The following SAMMSON variants were observed in gnomAD, a reference collection of about 807,000 sequenced individuals.
SAMMSON encodes survival associated mitochondrial melanoma specific oncogenic non-coding RNA, also known as long intergenic non-protein coding RNA 1212.
At chr3:70,328,494 C>A (rs546267352) in intron 7 of SAMMSON, among the ~76,000 whole-genome samples, 1 of 152,134 alleles carries the variant, frequency 6.6e-6, no homozygotes, top group African/African-American at 2.4e-5. Context: ...CCAATTTGAA[C>A]TTGTAGAGAT....
intron 3 of SAMMSON, among the ~76,000 whole-genome samples, chr3:70,042,060 T>C (rs1366091106): frequency 6.6e-6 from 1 of 152,036 alleles, no homozygotes; most frequent in Non-Finnish European, 1.5e-5. Context: ...ACTCTGAACT[T>C]CATTCGACAC....
chr3:70,421,447 A>T (rs1207841935), intron 2 of SAMMSON, among the ~76,000 whole-genome samples: 1 of 152,092 alleles, frequency 6.6e-6, no homozygotes, highest in Non-Finnish European at 1.5e-5. Context: ...TCTTAGGAGG[A>T]TTTCTTTCTA....
intron 7 of SAMMSON, among the ~76,000 whole-genome samples, chr3:70,329,449 T>G (rs1702604567): frequency 6.6e-6 from 1 of 152,086 alleles, no homozygotes; most frequent in African/African-American, 2.4e-5. Flanking sequence ...CATTAATCAA[T>G]TAGTAGCAAC....
intron 3 of SAMMSON, among the ~76,000 whole-genome samples, chr3:70,024,005 T>C (rs2067026968): frequency 7.6e-6 from 1 of 130,804 alleles, no homozygotes; most frequent in African/African-American, 3.2e-5. Context: ...TCTTCCTTCC[T>C]ATTTTTTTCC....
chr3:70,061,725 T>G (rs1202126392), intron 3 of SAMMSON, among the ~76,000 whole-genome samples: 3 of 152,134 alleles, frequency 2.0e-5, no homozygotes, highest in Admixed American at 1.3e-4. Flanking sequence ...TCCCTCCGCA[T>G]CTACCCACGG....
chr3:70,010,157 G>T (rs2107576452), intron 1 of SAMMSON, among the ~76,000 whole-genome samples: 1 of 152,174 alleles, frequency 6.6e-6, no homozygotes, highest in African/African-American at 2.4e-5. Flanking sequence ...TATTAGGTCT[G>T]CTTGGTGCAG....
At chr3:70,155,566 A>T (rs2067589117) in intron 4 of SAMMSON, among the ~76,000 whole-genome samples, 2 of 152,112 alleles carry the variant, frequency 1.3e-5, no homozygotes, top group Admixed American at 1.3e-4. Flanking sequence ...GCATGGTGTT[A>T]TCTGAGGATG....
At chr3:70,432,122 G>C (rs1701419080) in intron 2 of SAMMSON, among the ~76,000 whole-genome samples, 1 of 151,978 alleles carries the variant, frequency 6.6e-6, no homozygotes, top group Admixed American at 6.6e-5. Context: ...ATAAGAAACA[G>C]CCAAACCGAG....
chr3:70,390,254 G>A (rs1257021492), downstream of SAMMSON, among the ~76,000 whole-genome samples: 2 of 151,930 alleles, frequency 1.3e-5, no homozygotes, highest in African/African-American at 4.8e-5. Context: ...TTTTATTTAA[G>A]GTTCTAAGTT....
intron 6 of SAMMSON, among the ~76,000 whole-genome samples, chr3:70,284,003 T>C (rs1333257012): frequency 2.6e-5 from 4 of 152,082 alleles, no homozygotes; most frequent in Non-Finnish European, 5.9e-5. Flanking sequence ...ACAGAAGGGG[T>C]TTCCATGCCT....
At chr3:70,116,293 T>TTTTTTC (rs2067410852) in intron 4 of SAMMSON, among the ~76,000 whole-genome samples, 1 of 32,422 alleles carries the variant, frequency 3.1e-5, no homozygotes, top group Non-Finnish European at 5.5e-5. Flanking sequence ...CGATGCTTTC[T>TTTTTTC]TTTTTTTTTT....
intron 2 of SAMMSON, among the ~76,000 whole-genome samples, chr3:70,406,571 G>A (rs1421869291): frequency 6.6e-6 from 1 of 152,098 alleles, no homozygotes; most frequent in Non-Finnish European, 1.5e-5. Flanking sequence ...TAAAATTTAT[G>A]GCAACAAGAG....
chr3:70,046,088 C>G (rs909710531), intron 3 of SAMMSON, among the ~76,000 whole-genome samples: 1 of 152,134 alleles, frequency 6.6e-6, no homozygotes, highest in Non-Finnish European at 1.5e-5. Context: ...GTTGTATTAG[C>G]ATCCATTTCT....
chr3:70,376,188 A>T (rs186530561), intron 9 of SAMMSON, among the ~76,000 whole-genome samples: 1 of 152,322 alleles, frequency 6.6e-6, no homozygotes, highest in East Asian at 1.9e-4. Flanking sequence ...CAGGAATAAC[A>T]ATTTTCAATT....
At chr3:70,087,452 G>A (rs537299859) in intron 4 of SAMMSON, among the ~76,000 whole-genome samples, 5 of 152,146 alleles carry the variant, frequency 3.3e-5, no homozygotes, top group South Asian at 2.1e-4. Flanking sequence ...ATGCACATTC[G>A]TCCAAAAATA....
chr3:70,169,095 C>G (rs1245968807), intron 4 of SAMMSON, among the ~76,000 whole-genome samples: 1 of 151,938 alleles, frequency 6.6e-6, no homozygotes, highest in Non-Finnish European at 1.5e-5. Flanking sequence ...AAGAAAGTTT[C>G]TATCATGGAA....
intron 9 of SAMMSON, among the ~76,000 whole-genome samples, chr3:70,388,491 A>G (rs1328172270): frequency 1.3e-5 from 2 of 152,158 alleles, no homozygotes; most frequent in Non-Finnish European, 2.9e-5. Flanking sequence ...TAGATTCACT[A>G]TAATCCAAAA....
At chr3:70,299,602 A>G in intron 7 of SAMMSON, among the ~76,000 whole-genome samples, 1 of 152,122 alleles carries the variant, frequency 6.6e-6, no homozygotes, top group Non-Finnish European at 1.5e-5. Context: ...CTTGGGTGCC[A>G]GCCCTTTGTT....
At chr3:70,160,829 T>C (rs1300377349) in intron 4 of SAMMSON, among the ~76,000 whole-genome samples, 1 of 152,122 alleles carries the variant, frequency 6.6e-6, no homozygotes. Flanking sequence ...TCCATAGATA[T>C]AGAATATCTC....
Sources: gnomAD v4.1 joint callset for allele counts (sites outside exome capture counted in the v4.1 genomes callset) on GRCh38, gnomAD v4.1.1 for gene constraint, MANE v1.5 for transcripts, NCBI Gene and HGNC (gene_info 2026-07-23, HGNC 2026-07-21) for gene names.